The following GORASP2 variants were observed in gnomAD, a reference collection of about 807,000 sequenced individuals.
GORASP2 encodes the protein golgi reassembly stacking protein 2.
Under a neutral mutation model 45.7 loss-of-function variants are expected in GORASP2, and 22 were observed. The ratio of observed to expected loss-of-function variants is 0.48; its 90% CI spans 0.34 to 0.69. The LOEUF (loss-of-function observed/expected upper bound fraction) is 0.69, where lower values mean the gene tolerates loss of function less well. GORASP2 is among the 30% of genes least tolerant of loss of function. GORASP2 has a pLI of 0.01. For synonymous variants in GORASP2, 221 were observed against 215.6 expected (o/e 1.02, Z -0.22); for missense variants, 491 against 562.7 (o/e 0.87, Z 1.29).
intron 1 of GORASP2, among the ~76,000 whole-genome samples, chr2:170,930,256 C>G (rs1703786994): frequency 6.6e-6 from 1 of 152,220 alleles, no homozygotes; most frequent in African/African-American, 2.4e-5. Flanking sequence ...CTGGGTGGTA[C>G]AAAGCATGTG....
chr2:170,945,380 A>G (rs1704159778), intron 1 of GORASP2, among the ~76,000 whole-genome samples: 1 of 151,830 alleles, frequency 6.6e-6, no homozygotes, highest in African/African-American at 2.4e-5. Flanking sequence ...GCGCTAGAAA[A>G]AATTTAAAAA....
At chr2:170,955,036 T>A (rs2676139) in intron 6 of GORASP2, among the ~76,000 whole-genome samples, 132,972 of 152,064 alleles carry the variant, frequency 0.87, 59,036 homozygotes, top group East Asian at 1. Flanking sequence ...ATGTAACCCA[T>A]TGGCTGTTAG....
intron 7 of GORASP2, among the ~76,000 whole-genome samples, chr2:170,959,440 A>G (rs539978623): frequency 3.3e-5 from 5 of 152,374 alleles, no homozygotes; most frequent in African/African-American, 9.6e-5. Flanking sequence ...ACTGTTAAAG[A>G]CAAATGTAAA....
chr2:170,952,932 T>TC (rs1704333107), intron 5 of GORASP2, among the ~76,000 whole-genome samples: 2 of 152,206 alleles, frequency 1.3e-5, no homozygotes, highest in African/African-American at 4.8e-5. Flanking sequence ...CACCTTGGCC[T>TC]CCCAAAGTCC....
chr2:170,951,565 G>T, intron 5 of GORASP2, 107 bp downstream of exon 5: 2 of 913,094 alleles, frequency 2.2e-6, no homozygotes, highest in East Asian at 5.4e-5. Flanking sequence ...TTTATTTTAA[G>T]ACTCCTCTTA....
At chr2:170,950,104 T>C (rs1371931850) in intron 3 of GORASP2, 100 bp from the exon 4 acceptor site, 3 of 645,620 alleles carry the variant, frequency 4.6e-6, no homozygotes, top group African/African-American at 1.9e-5. Flanking sequence ...GACAGAAGTA[T>C]ACAGATTTAA....
chr2:170,933,203 A>T (rs939209117), intron 1 of GORASP2, among the ~76,000 whole-genome samples: 4 of 152,176 alleles, frequency 2.6e-5, no homozygotes, highest in Non-Finnish European at 4.4e-5. Context: ...AAAAAATAGC[A>T]TTTCAGATTT....
chr2:170,956,279 TAGG>T (rs1405596889), intron 6 of GORASP2, among the ~76,000 whole-genome samples, 154 bp from the exon 7 acceptor site: 3 of 152,126 alleles, frequency 2.0e-5, no homozygotes, highest in Non-Finnish European at 4.4e-5. Context: ...GTACCAAAAT[TAGG>T]AGGGAGTGTC....
chr2:170,931,480 T>C (rs1703821746), intron 1 of GORASP2, among the ~76,000 whole-genome samples: 1 of 152,176 alleles, frequency 6.6e-6, no homozygotes, highest in Admixed American at 6.5e-5. Flanking sequence ...CTGGAGTAAC[T>C]GTGGCAGGAA....
intron 5 of GORASP2, among the ~76,000 whole-genome samples, chr2:170,952,623 A>G (rs1019803791): frequency 6.6e-6 from 1 of 152,226 alleles, no homozygotes; most frequent in Non-Finnish European, 1.5e-5. Flanking sequence ...CTGAAAGGCC[A>G]TAATTGATCA....
At chr2:170,950,760 T>A (rs370014880) in intron 4 of GORASP2, among the ~76,000 whole-genome samples, 18 of 152,244 alleles carry the variant, frequency 1.2e-4, no homozygotes, top group Non-Finnish European at 2.6e-4. Context: ...GATGGGAGAA[T>A]TACTTGAGCT....
chr2:170,955,946 A>G (rs1704416320), intron 6 of GORASP2, among the ~76,000 whole-genome samples: 3 of 152,122 alleles, frequency 2.0e-5, no homozygotes, highest in Middle Eastern at 3.4e-3. Flanking sequence ...TGGCTGCCAC[A>G]TTTATTCACT....
intron 8 of GORASP2, among the ~76,000 whole-genome samples, 157 bp from the exon 9 acceptor site, chr2:170,962,682 T>G (rs1321622376): frequency 6.6e-6 from 1 of 152,220 alleles, no homozygotes; most frequent in Non-Finnish European, 1.5e-5. Flanking sequence ...AAGTGAAATT[T>G]TGTTATTTAT....
In GORASP2 at chr2:170,954,892, G is replaced by C. The variant is rs895818038; in HGVS notation, c.699+110G>C. 5.3e-6 allele frequency: 4 copies of C among 757,844 alleles called. No individual in the cohort carries two copies. In the Admixed American group the frequency reaches 1.1e-4, roughly 20 times the overall value. The allele number at this position is 757,844 out of a possible 1,614,324, so 46.9% of individuals were successfully genotyped here. A position where few individuals can be genotyped will look rare whatever the true frequency, so the allele number is the denominator to read the frequency against. On this transcript the variant is annotated intron_variant, in intron 6 of 9. Coordinates refer to ENST00000234160, the MANE Select transcript of GORASP2 (RefSeq NM_015530.5). ...ACTATGAAAATAGGGTAGACGATGA[G>C]TTAAGTATTGATTGTGTTACATTTG... is the stretch of plus-strand genomic sequence containing the variant.
intron 5 of GORASP2, among the ~76,000 whole-genome samples, chr2:170,953,382 TA>T (rs1704347554): frequency 8.8e-6 from 1 of 114,114 alleles, no homozygotes; most frequent in South Asian, 3.1e-4. Flanking sequence ...AATAAATAAA[TA>T]AAATTAAAAA....
chr2:170,931,686 G>T (rs148498810), intron 1 of GORASP2, among the ~76,000 whole-genome samples: 1 of 152,166 alleles, frequency 6.6e-6, no homozygotes, highest in Non-Finnish European at 1.5e-5. Flanking sequence ...CTATAATTCA[G>T]ATAGATTGAG....
intron 1 of GORASP2, among the ~76,000 whole-genome samples, chr2:170,939,464 T>C (rs150314265): frequency 1.3e-5 from 2 of 152,342 alleles, no homozygotes; most frequent in Non-Finnish European, 2.9e-5. Context: ...TCTCTCCTTA[T>C]CCACAGTTTG....
At chr2:170,960,054 C>T (rs533378419) in intron 7 of GORASP2, among the ~76,000 whole-genome samples, 27 of 152,256 alleles carry the variant, frequency 1.8e-4, no homozygotes, top group African/African-American at 6.5e-4. Context: ...CCCCTGACCT[C>T]AGGTGATCCA....
Position 170,956,456 on chromosome 2 carries a change from T to G in GORASP2, c.720T>G (p.Asn240Lys). 1 of 1,612,474 alleles carries G rather than the reference T, an allele frequency of 6.2e-7. No homozygotes were observed. The highest frequency in any genetic ancestry group is 8.5e-7 in the Non-Finnish European group (1 of 1,179,330). Reference sequence around the variant, plus strand: ...GGAAGGTCCAGCTGTCCTCAGTTAATCCCCCGTCTTTGTCACCACCAGGAA... The same window carrying G: ...GGAAGGTCCAGCTGTCCTCAGTTAAGCCCCCGTCTTTGTCACCACCAGGAA... ...GFTEVQLSSV[N>K]PPSLSPPGTT... is the part of the protein sequence containing the mutation. The change falls in exon 7 of 10, where the codon AAT becomes AAG. Residue 240 changes from asparagine (N) to lysine (K), a missense_variant. Coordinates refer to ENST00000234160, the MANE Select transcript of GORASP2 (RefSeq NM_015530.5).
Sources: gnomAD v4.1 joint callset for allele counts (sites outside exome capture counted in the v4.1 genomes callset) on GRCh38, gnomAD v4.1.1 for gene constraint, MANE v1.5 for transcripts, NCBI Gene and HGNC (gene_info 2026-07-23, HGNC 2026-07-21) for gene names.